The following TRHDE variants were observed in gnomAD, a reference collection of about 807,000 sequenced individuals.
TRHDE encodes thyrotropin-releasing hormone-degrading ectoenzyme.
Under a neutral mutation model 125.7 loss-of-function variants are expected in TRHDE, and 72 were observed. The ratio of observed to expected loss-of-function variants is 0.57; its 90% CI spans 0.47 to 0.70. The LOEUF (loss-of-function observed/expected upper bound fraction) is 0.70, where lower values mean the gene tolerates loss of function less well. Among genes scored for constraint, TRHDE ranks in the 30% least tolerant of loss-of-function variants. The pLI is 0.00. For synonymous variants in TRHDE, 509 were observed against 509.1 expected, an observed-to-expected ratio of 1.00 and a Z score of 0.00; for missense variants, 1,110 against 1,327.1, an observed-to-expected ratio of 0.84 and a Z score of 2.54.
chr12:72,543,584 T>C (rs1458512584), intron 7 of TRHDE, among the ~76,000 whole-genome samples: 1 of 151,390 alleles, frequency 6.6e-6, no homozygotes, highest in African/African-American at 2.4e-5. Context: ...TCCTTTGTTT[T>C]TCCCCATTGA....
chr12:72,370,974 C>G (rs1463960088), intron 2 of TRHDE, among the ~76,000 whole-genome samples: 1 of 152,116 alleles, frequency 6.6e-6, no homozygotes, highest in Non-Finnish European at 1.5e-5. Flanking sequence ...AAATCCTGAC[C>G]TCAGGTGAGA....
At chr12:72,206,516 G>A (rs1333757475) in intron 2 of TRHDE, among the ~76,000 whole-genome samples, 1 of 152,100 alleles carries the variant, frequency 6.6e-6, no homozygotes, top group African/African-American at 2.4e-5. Context: ...CCTAGTAGGT[G>A]TTCAATGCAT....
intron 1 of TRHDE, among the ~76,000 whole-genome samples, chr12:72,104,170 T>G (rs999342087): frequency 2.0e-5 from 3 of 152,180 alleles, no homozygotes; most frequent in Non-Finnish European, 4.4e-5. Flanking sequence ...GCATAAATTT[T>G]ATTATTTACT....
At chr12:72,109,221 A>G (rs1483506291) in intron 2 of TRHDE, among the ~76,000 whole-genome samples, 2 of 152,018 alleles carry the variant, frequency 1.3e-5, no homozygotes, top group Admixed American at 1.3e-4. Flanking sequence ...ATTGACATCA[A>G]TTTGGCCCAC....
intron 2 of TRHDE, among the ~76,000 whole-genome samples, chr12:72,106,501 G>A (rs557714590): frequency 8.5e-5 from 13 of 152,152 alleles, no homozygotes; most frequent in African/African-American, 2.9e-4. Flanking sequence ...GCACAGACTG[G>A]CACATTTTAT....
intron 3 of TRHDE, among the ~76,000 whole-genome samples, chr12:72,460,711 A>T (rs1262403918): frequency 6.6e-6 from 1 of 152,180 alleles, no homozygotes; most frequent in African/African-American, 2.4e-5. Context: ...GATGGCAAGA[A>T]GGGGTCATTT....
intron 12 of TRHDE, among the ~76,000 whole-genome samples, chr12:72,593,485 GT>G (rs146723003): frequency 1.2e-4 from 18 of 148,284 alleles, no homozygotes; most frequent in South Asian, 1.1e-3. Flanking sequence ...TATTATACAG[GT>G]TTTTTTTTTG....
intron 2 of TRHDE, among the ~76,000 whole-genome samples, chr12:72,233,810 C>A (rs55735117): frequency 0.28 from 42,015 of 152,042 alleles, 6,259 homozygotes; most frequent in African/African-American, 0.35. Flanking sequence ...CAAAGTTATT[C>A]TCTTTTACAA....
At chr12:72,301,183 G>A (rs4760829) in intron 2 of TRHDE, among the ~76,000 whole-genome samples, 81,183 of 151,986 alleles carry the variant, frequency 0.53, 26,312 homozygotes, top group East Asian at 0.8. Context: ...ATGGCAAGTC[G>A]GGCTGAAAGT....
chr12:72,474,815 GTCA>G (rs1876816261), intron 5 of TRHDE, among the ~76,000 whole-genome samples: 1 of 151,148 alleles, frequency 6.6e-6, no homozygotes, highest in African/African-American at 2.4e-5. Context: ...GCATCTGTAA[GTCA>G]TCATATAACT....
intron 3 of TRHDE, among the ~76,000 whole-genome samples, chr12:72,395,447 C>G (rs981126279): frequency 2.0e-5 from 3 of 152,202 alleles, no homozygotes; most frequent in African/African-American, 7.2e-5. Flanking sequence ...ACTCTGCTTG[C>G]AGTCTCCTAT....
intron 2 of TRHDE, among the ~76,000 whole-genome samples, chr12:72,352,063 T>G (rs1870604664): frequency 6.6e-6 from 1 of 151,896 alleles, no homozygotes; most frequent in African/African-American, 2.4e-5. Context: ...CAGAGTAATT[T>G]CACCTTTGTG....
intron 3 of TRHDE, among the ~76,000 whole-genome samples, chr12:72,436,798 G>T (rs757021381): frequency 6.6e-6 from 1 of 151,732 alleles, no homozygotes; most frequent in Non-Finnish European, 1.5e-5. Flanking sequence ...GAAACATCTG[G>T]ACAGGTGAAA....
intron 9 of TRHDE, among the ~76,000 whole-genome samples, chr12:72,567,181 T>C (rs1229915472): frequency 2.0e-5 from 3 of 152,086 alleles, no homozygotes; most frequent in African/African-American, 7.2e-5. Flanking sequence ...TTTACATGAG[T>C]TGTTGTTCAT....
intron 12 of TRHDE, 133 bp from the exon 13 acceptor site, chr12:72,618,758 G>A (rs1306472013): frequency 2.0e-5 from 13 of 652,290 alleles, no homozygotes. Flanking sequence ...TTAAAAGTGA[G>A]TAATTTTATT....
intron 3 of TRHDE, among the ~76,000 whole-genome samples, chr12:72,380,770 CCTTCCTT>C (rs1565720521): frequency 1.1e-5 from 1 of 87,470 alleles, no homozygotes; most frequent in African/African-American, 4.0e-5. Flanking sequence ...TTCCTTGCTT[CCTTCCTT>C]CCTTCCTTCC....
intron 2 of TRHDE, among the ~76,000 whole-genome samples, chr12:72,309,545 T>A (rs1005760973): frequency 6.6e-6 from 1 of 152,036 alleles, no homozygotes; most frequent in African/African-American, 2.4e-5. Context: ...TGGTCCAATA[T>A]GATGCAGATA....
At chr12:72,405,219 G>A (rs996165422) in intron 3 of TRHDE, among the ~76,000 whole-genome samples, 2 of 152,144 alleles carry the variant, frequency 1.3e-5, no homozygotes, top group East Asian at 1.9e-4. Context: ...CCAAGACATC[G>A]TAACTTGGCT....
At chr12:72,493,970 T>A (rs1009203273) in intron 5 of TRHDE, among the ~76,000 whole-genome samples, 6 of 152,188 alleles carry the variant, frequency 3.9e-5, no homozygotes, top group African/African-American at 1.4e-4. Context: ...AACATTTGTT[T>A]TCGCCTTTGT....
Sources: gnomAD v4.1 joint callset for allele counts (sites outside exome capture counted in the v4.1 genomes callset) on GRCh38, gnomAD v4.1.1 for gene constraint, MANE v1.5 for transcripts, NCBI Gene and HGNC (gene_info 2026-07-23, HGNC 2026-07-21) for gene names.